The following FBXW8 variants were observed in gnomAD, a reference collection of about 807,000 sequenced individuals.
The protein encoded by FBXW8 is F-box/WD repeat-containing protein 8.
In FBXW8, 57 loss-of-function variants were observed where a neutral mutation model predicts 65.3. The ratio of observed to expected loss-of-function variants is 0.87; its 90% CI spans 0.71 to 1.09. The LOEUF is 1.09. Ranked by LOEUF, FBXW8 falls within the 50% of genes least tolerant of loss-of-function variation. FBXW8 has a pLI of 0.00. For missense variants in FBXW8, 777 were observed against 814.8 expected (o/e 0.95, Z 0.57); for synonymous variants, 308 against 330.2 (o/e 0.93, Z 0.73).
At chr12:116,934,331 C>G (rs1009944870) in intron 2 of FBXW8, among the ~76,000 whole-genome samples, 6 of 152,122 alleles carry the variant, frequency 3.9e-5, no homozygotes, top group African/African-American at 1.4e-4. Flanking sequence ...GGGAGTGTTT[C>G]TTGCCGAAAC....
At chr12:116,973,315 T>G (rs959399002) in intron 5 of FBXW8, among the ~76,000 whole-genome samples, 1 of 152,100 alleles carries the variant, frequency 6.6e-6, no homozygotes, top group Admixed American at 6.5e-5. Context: ...AAAAATCAAT[T>G]GAGGCTAAAA....
chr12:116,983,408 T>C lies in FBXW8; in HGVS notation c.836-1798T>C, dbSNP rs114471848. 1.8e-3 allele frequency among the ~76,000 whole-genome samples: 280 copies of C among 152,316 alleles called. 1 individual carries two copies. The highest frequency in any genetic ancestry group is 6.5e-3 in the African/African-American group (272 of 41,570). ...TATCATAATTCTTAAGAGTGCACTG[T>C]GTTTTAGATGCGAAGCAACATTTAG... is the stretch of plus-strand genomic sequence containing the variant. On this transcript the variant is annotated intron_variant, in intron 5 of 10. Transcript: ENST00000652555.
intron 7 of FBXW8, among the ~76,000 whole-genome samples, chr12:117,009,319 G>A (rs558893221): frequency 1.3e-5 from 2 of 151,850 alleles, no homozygotes; most frequent in Admixed American, 6.6e-5. Context: ...CTGAGCCCAG[G>A]AGTTTGAGGC....
At chr12:116,931,628 AT>A (rs1335032873) in intron 2 of FBXW8, among the ~76,000 whole-genome samples, 1 of 151,996 alleles carries the variant, frequency 6.6e-6, no homozygotes, top group Non-Finnish European at 1.5e-5. Context: ...TGGTGTGGCT[AT>A]TGTGAATGGG....
At chr12:116,955,315 A>G (rs1158084842) in intron 4 of FBXW8, among the ~76,000 whole-genome samples, 1 of 152,332 alleles carries the variant, frequency 6.6e-6, no homozygotes, top group Non-Finnish European at 1.5e-5. Context: ...CGTGCCTTCA[A>G]CTGCGACTGA....
At chr12:116,981,208 C>T (rs1885283388) in intron 5 of FBXW8, among the ~76,000 whole-genome samples, 1 of 152,220 alleles carries the variant, frequency 6.6e-6, no homozygotes, top group South Asian at 2.1e-4. Context: ...ACTGTAGTAA[C>T]TGATAAATTG....
intron 1 of FBXW8, among the ~76,000 whole-genome samples, chr12:116,925,568 A>G (rs1189211271): frequency 6.6e-6 from 1 of 152,102 alleles, no homozygotes; most frequent in East Asian, 1.9e-4. Context: ...GGTTACCAAC[A>G]TGGAAGGTCA....
At chr12:116,946,457 T>A (rs1218988509) in intron 3 of FBXW8, among the ~76,000 whole-genome samples, 7 of 152,180 alleles carry the variant, frequency 4.6e-5, no homozygotes, top group African/African-American at 1.7e-4. Flanking sequence ...TGTGCGGGGC[T>A]GTCCTGTGCA....
intron 4 of FBXW8, among the ~76,000 whole-genome samples, chr12:116,962,768 G>C (rs1592894593): frequency 6.6e-6 from 1 of 152,140 alleles, no homozygotes; most frequent in African/African-American, 2.4e-5. Flanking sequence ...CCCCAGTCTA[G>C]ACATTCAAAC....
chr12:116,911,175 CG>C lies in FBXW8; in HGVS notation c.139del (p.Glu47AsnfsTer33), dbSNP rs1249343308. 1 of 1,329,146 alleles carries C rather than the reference CG, an allele frequency of 7.5e-7. No homozygotes were observed. The highest frequency in any genetic ancestry group is 1.5e-5 in the African/African-American group (1 of 64,598). The allele number at this position is 1,329,146 out of a possible 1,614,324, so 82.3% of individuals were successfully genotyped here. A position where few individuals can be genotyped will look rare whatever the true frequency, so the allele number is the denominator to read the frequency against. On this transcript the variant is annotated frameshift_variant, in exon 1 of 11. Coordinates refer to ENST00000652555, the MANE Select transcript of FBXW8 (RefSeq NM_153348.3). LOFTEE classifies it high-confidence loss of function. ...RRPEVGSGRG[E>X]QASGDPALAQ... ...GGCCGGAGGTGGGCTCCGGGCGCGG[CG>C]AACAGGCCTCGGGGGACCCGGCGCT... is the stretch of plus-strand genomic sequence containing the variant.
intron 1 of FBXW8, among the ~76,000 whole-genome samples, chr12:116,923,503 C>T (rs1224338129): frequency 6.6e-6 from 1 of 151,874 alleles, no homozygotes; most frequent in Non-Finnish European, 1.5e-5. Flanking sequence ...AGCTATTCAA[C>T]TACTGCAAAA....
At chr12:116,994,622 A>G (rs1222540191) in intron 7 of FBXW8, among the ~76,000 whole-genome samples, 1 of 152,264 alleles carries the variant, frequency 6.6e-6, no homozygotes, top group African/African-American at 2.4e-5. Flanking sequence ...TGAGAATAGT[A>G]AAGTGCTACA....
chr12:117,001,292 C>A (rs1012404558), intron 7 of FBXW8, among the ~76,000 whole-genome samples: 1 of 152,180 alleles, frequency 6.6e-6, no homozygotes, highest in African/African-American at 2.4e-5. Flanking sequence ...TTATTCGCTG[C>A]GGCTTCCCAG....
chr12:116,987,004 G>A (rs1030851308), intron 6 of FBXW8: 2 of 152,234 alleles, frequency 1.3e-5, no homozygotes, highest in African/African-American at 4.8e-5. Flanking sequence ...TTGAGTGAAA[G>A]GTTCCCACAA....
rs759901832 is a variant in FBXW8 at position 116,983,130 on chromosome 12, G to GT, written c.836-2068dup. 4.6e-4 allele frequency among the ~76,000 whole-genome samples: 70 copies of GT among 152,040 alleles called. No homozygotes were observed. In the East Asian group the frequency reaches 8.3e-3, roughly 18 times the overall value. ...ACTCAGAAGCTCTATGCAAATGGGA[G>GT]TTTTTTTTCTCTTTACTGTTGTGAT... is the stretch of plus-strand genomic sequence containing the variant. On this transcript the variant is annotated intron_variant, in intron 5 of 10. Transcript: ENST00000652555.
At chr12:116,986,648 AC>A (rs1193735340) in intron 6 of FBXW8, 4 of 151,640 alleles carry the variant, frequency 2.6e-5, no homozygotes, top group African/African-American at 9.8e-5. Flanking sequence ...AGACAAAAAA[AC>A]AACAAAAAAA....
chr12:116,920,559 G>A (rs1451624676), intron 1 of FBXW8, among the ~76,000 whole-genome samples: 2 of 152,188 alleles, frequency 1.3e-5, no homozygotes, highest in Admixed American at 6.5e-5. Flanking sequence ...GGGAGGGGCT[G>A]TAATTTTAAA....
In FBXW8 at chr12:116,961,569, G is replaced by C. The variant is rs1208036952; in HGVS notation, c.678-3128G>C. On this transcript the variant is annotated intron_variant, in intron 4 of 10. Coordinates refer to ENST00000652555, the MANE Select transcript of FBXW8 (RefSeq NM_153348.3). This position sits in a 1 kb window ranked among gnomAD's most constrained non-coding sequence, Gnocchi z 4.4. The stretch of plus-strand genomic sequence containing the variant: ...ATTTCATTCAATAAGGTGTTAAGAT[G>C]TAAGACTTTATAGAGGGTTCTCTGG... Among the ~76,000 whole-genome samples the C allele has an allele frequency of 6.6e-6, 1 of 152,180 alleles. No homozygotes were observed. The highest frequency in any genetic ancestry group is 2.1e-4 in the South Asian group (1 of 4,826).
intron 1 of FBXW8, among the ~76,000 whole-genome samples, chr12:116,921,120 A>AGAGTCCCC (rs1565897461): frequency 6.6e-6 from 1 of 152,216 alleles, no homozygotes; most frequent in Non-Finnish European, 1.5e-5. Flanking sequence ...TTTCCTTGCC[A>AGAGTCCCC]GAGTCCCCAG....
Sources: allele counts gnomAD v4.1 joint callset (sites outside exome capture counted in the v4.1 genomes callset), GRCh38; gene constraint gnomAD v4.1.1; non-coding constraint Gnocchi (gnomAD v3.1); transcripts MANE v1.5; gene names NCBI Gene and HGNC (gene_info 2026-07-23, HGNC 2026-07-21).